Variants in NKTR observed in about 807,000 individuals in gnomAD.
NKTR encodes NK-tumor recognition protein.
NKTR carries 67 observed loss-of-function variants against 156.3 expected under a neutral mutation model. That is an observed-to-expected ratio of 0.43 (90% CI 0.35 to 0.53). NKTR has a LOEUF of 0.53. Ranked by LOEUF, NKTR falls within the 20% of genes least tolerant of loss-of-function variation. The probability of loss-of-function intolerance (pLI) is 0.01; values close to 1 mark genes in which losing one functional copy is unlikely to be tolerated. For synonymous variants in NKTR, 640 were observed against 596.6 expected (o/e 1.07, Z -1.06); for missense variants, 1,604 against 1,730.9 (o/e 0.93, Z 1.30).
At chr3:42,631,508 T>C (rs1708893589) in intron 8 of NKTR, among the ~76,000 whole-genome samples, 192 bp downstream of exon 8, 1 of 152,144 alleles carries the variant, frequency 6.6e-6, no homozygotes, top group Admixed American at 6.5e-5. Context: ...CCACCAGCCT[T>C]ATCCACACCA....
At chr3:42,613,256 C>T (rs1272386436) in intron 2 of NKTR, among the ~76,000 whole-genome samples, 14 of 152,114 alleles carry the variant, frequency 9.2e-5, no homozygotes, top group Non-Finnish European at 2.9e-5. Flanking sequence ...TTAGGCACTA[C>T]GTTCTTCTTG....
Position 42,631,258 on chromosome 3 carries a change from A to G in NKTR, c.492A>G (p.Pro164=). ...ENLKTDAASR[P]YADVRVIDCG... ...TGAAGACCGATGCTGCAAGCAGACCATATGCAGATGTGCGAGTTATTGACT... is the reference window on the plus strand; with the variant it reads ...TGAAGACCGATGCTGCAAGCAGACCGTATGCAGATGTGCGAGTTATTGACT... The change falls in exon 8 of 17, where the codon CCA becomes CCG. Residue 164 remains proline (P), a synonymous_variant. Transcript: ENST00000232978. 1 of 1,614,086 alleles carries G rather than the reference A, an allele frequency of 6.2e-7. No individual in the cohort carries two copies. The highest frequency in any genetic ancestry group is 8.5e-7 in the Non-Finnish European group (1 of 1,179,976).
chr3:42,631,122 T>C lies in NKTR; in HGVS notation c.405-49T>C, dbSNP rs542325394. On this transcript the variant is annotated intron_variant, in intron 7 of 16. Coordinates refer to ENST00000232978, the MANE Select transcript of NKTR (RefSeq NM_005385.4). The stretch of plus-strand genomic sequence containing the variant: ...ACAGTTAATTGTCTTGATTACTGTT[T>C]ATAGCTTAATTATCAAACCAGTTGT... 21 of 1,606,486 alleles carry C rather than the reference T, an allele frequency of 1.3e-5. No individual in the cohort carries two copies. In the South Asian group the frequency reaches 2.2e-4, roughly 17 times the overall value.
intron 2 of NKTR, among the ~76,000 whole-genome samples, chr3:42,607,788 T>C (rs1042246978): frequency 6.6e-6 from 1 of 151,758 alleles, no homozygotes; most frequent in Non-Finnish European, 1.5e-5. Context: ...GAATATGGAT[T>C]ATTATGAGGA....
intron 2 of NKTR, among the ~76,000 whole-genome samples, chr3:42,612,845 C>A (rs1174909216): frequency 6.6e-6 from 1 of 151,516 alleles, no homozygotes; most frequent in African/African-American, 2.4e-5. Flanking sequence ...GCTTTTTTTT[C>A]CATTTATGTC....
intron 6 of NKTR, chr3:42,630,109 G>A (rs1449475396): frequency 2.0e-6 from 2 of 989,120 alleles, no homozygotes; most frequent in African/African-American, 1.7e-5. Flanking sequence ...AAGTGTTTGG[G>A]GCAAATGTTA....
At chr3:42,633,925 C>A (rs544258958) in intron 10 of NKTR, among the ~76,000 whole-genome samples, 190 bp downstream of exon 10, 1 of 152,260 alleles carries the variant, frequency 6.6e-6, no homozygotes, top group African/African-American at 2.4e-5. Flanking sequence ...GTGATATGTA[C>A]CCTACCTTTC....
chr3:42,624,601 T>G (rs1708207251), intron 6 of NKTR, among the ~76,000 whole-genome samples: 1 of 152,092 alleles, frequency 6.6e-6, no homozygotes, highest in Non-Finnish European at 1.5e-5. Context: ...TTATAGAAAT[T>G]TTATTTACAA....
At chr3:42,612,164 G>A (rs663673) in intron 2 of NKTR, 70,440 of 152,090 alleles carry the variant, frequency 0.46, 18,913 homozygotes, top group African/African-American at 0.74. Flanking sequence ...TATGTTAGTA[G>A]AGCAAGGTGC....
intron 7 of NKTR, 173 bp from the exon 8 acceptor site, chr3:42,630,998 C>T: frequency 1.4e-6 from 2 of 1,418,996 alleles, no homozygotes; most frequent in African/African-American, 1.4e-5. Flanking sequence ...ATAATCGTTT[C>T]CTTTTATGAA....
intron 2 of NKTR, among the ~76,000 whole-genome samples, chr3:42,614,979 C>T (rs890588412): frequency 2.6e-5 from 4 of 152,010 alleles, no homozygotes; most frequent in Non-Finnish European, 4.4e-5. Flanking sequence ...GGAGATAAAA[C>T]CTCTACTCTA....
At chr3:42,613,871 A>G (rs925099336) in intron 2 of NKTR, among the ~76,000 whole-genome samples, 1 of 152,260 alleles carries the variant, frequency 6.6e-6, no homozygotes, top group Non-Finnish European at 1.5e-5. Context: ...GCTTTGTGTC[A>G]TTTTTGTCCT....
chr3:42,625,212 A>C (rs1439461279), intron 6 of NKTR, among the ~76,000 whole-genome samples: 2 of 152,192 alleles, frequency 1.3e-5, no homozygotes, highest in African/African-American at 2.4e-5. Context: ...CAAGAGCAAC[A>C]GAAGTCTCTT....
intron 2 of NKTR, chr3:42,601,271 A>C: frequency 2.4e-6 from 1 of 410,502 alleles, no homozygotes; most frequent in Non-Finnish European, 4.4e-6. Context: ...TTCCTGCCAA[A>C]CCCCACACAC....
chr3:42,639,119 C>G lies in NKTR; in HGVS notation c.3415C>G (p.Pro1139Ala), dbSNP rs2125820558. The change falls in exon 13 of 17, where the codon CCA becomes GCA. Residue 1139 changes from proline to alanine, a missense_variant. Pro to Ala is a conservative substitution (Grantham distance 27). Coordinates refer to ENST00000232978, the MANE Select transcript of NKTR (RefSeq NM_005385.4). ...MEICTPDRSS[P>A]AKVEETSPLG... is the part of the protein sequence containing the mutation. ...GATCTGCACTCCTGATAGGAGTTCC[C>G]CAGCAAAAGTAGAGGAGACTTCCCC... 6.2e-7 allele frequency: 1 copy of G among 1,614,036 alleles called. No homozygotes were observed. Among genetic ancestry groups the G allele is most frequent in the Admixed American group, 1.7e-5 (1 of 60,002 alleles).
In NKTR at chr3:42,613,714, A is replaced by T. The variant is rs1013591754; in HGVS notation, c.59-3856A>T. Among the ~76,000 whole-genome samples, 5 of 152,078 alleles carry T rather than the reference A, an allele frequency of 3.3e-5. No individual in the cohort carries two copies. The East Asian group carries it at 9.7e-4, about 30-fold the overall frequency. ...CCTTTCACCTAGTGGCCAAATCAGA[A>T]TCTACACCATGACATAGACTTTTCC... On this transcript the variant is annotated intron_variant, in intron 2 of 16. Coordinates refer to ENST00000232978, the MANE Select transcript of NKTR (RefSeq NM_005385.4).
chr3:42,626,828 A>G (rs1308923611), intron 6 of NKTR, among the ~76,000 whole-genome samples: 3 of 152,082 alleles, frequency 2.0e-5, no homozygotes, highest in African/African-American at 4.8e-5. Context: ...GGGCATTCAG[A>G]TTTTTATATT....
intron 2 of NKTR, among the ~76,000 whole-genome samples, chr3:42,614,661 A>G (rs1272010910): frequency 6.6e-6 from 1 of 152,206 alleles, no homozygotes; most frequent in Admixed American, 6.5e-5. Context: ...AATTAATACT[A>G]GGTTACCTCT....
rs936990232 is a variant in NKTR at position 42,619,484 on chromosome 3, G to A, written c.242-180G>A. 1.3e-4 allele frequency: 191 copies of A among 1,416,544 alleles called. 1 individual carries two copies. Among genetic ancestry groups the A allele is most frequent in the Non-Finnish European group, 1.7e-4 (182 of 1,093,112 alleles). 87.7% of individuals were successfully genotyped at this position (1,416,544 alleles called of 1,614,324 possible). ...GATGACTTTTTTGATGGTATTTCTT[G>A]TAATGGGACTTGACATATATTTTAC... On this transcript the variant is annotated intron_variant, in intron 4 of 16. Transcript: ENST00000232978.
Sources: allele counts gnomAD v4.1 joint callset (sites outside exome capture counted in the v4.1 genomes callset), GRCh38; gene constraint gnomAD v4.1.1; transcripts MANE v1.5; gene names NCBI Gene and HGNC (gene_info 2026-07-23, HGNC 2026-07-21).